INPP4B: variants seen among roughly 807,000 people sequenced by gnomAD.
The protein encoded by INPP4B is inositol polyphosphate 4-phosphatase type II.
INPP4B carries 55 observed loss-of-function variants against 122.5 expected under a neutral mutation model. The ratio of observed to expected loss-of-function variants is 0.45; its 90% CI spans 0.36 to 0.56. The LOEUF is 0.56. Among genes scored for constraint, INPP4B ranks in the 20% least tolerant of loss-of-function variants. The probability of loss-of-function intolerance (pLI) is 0.00; values close to 1 mark genes in which losing one functional copy is unlikely to be tolerated. For synonymous variants in INPP4B, 403 were observed against 388.7 expected (o/e 1.04, Z -0.43); for missense variants, 1,000 against 1,097.7 (o/e 0.91, Z 1.26).
At chr4:142,685,724 C>T (rs542004648) in intron 2 of INPP4B, among the ~76,000 whole-genome samples, 1 of 152,134 alleles carries the variant, frequency 6.6e-6, no homozygotes, top group Non-Finnish European at 1.5e-5. Context: ...CACACAACTG[C>T]ACTCCCCCCT....
intron 2 of INPP4B, among the ~76,000 whole-genome samples, chr4:142,577,814 G>T (rs777496175): frequency 6.6e-6 from 1 of 151,904 alleles, no homozygotes; most frequent in African/African-American, 2.4e-5. Context: ...GTTGGTCAGC[G>T]GATGCCCTCA....
At chr4:142,070,562 T>A (rs1578798744) in intron 25 of INPP4B, among the ~76,000 whole-genome samples, 1 of 152,170 alleles carries the variant, frequency 6.6e-6, no homozygotes, top group Non-Finnish European at 1.5e-5. Flanking sequence ...TGTTTGCAGA[T>A]GACATGATTG....
intron 2 of INPP4B, among the ~76,000 whole-genome samples, chr4:142,633,119 A>C (rs1748346411): frequency 6.6e-6 from 1 of 152,024 alleles, no homozygotes; most frequent in African/African-American, 2.4e-5. Flanking sequence ...CAGAAAAAGC[A>C]ATCTCTAAGT....
At chr4:142,239,664 A>G (rs1858329509) in intron 11 of INPP4B, among the ~76,000 whole-genome samples, 1 of 152,116 alleles carries the variant, frequency 6.6e-6, no homozygotes. Context: ...GAAGAGAAAA[A>G]ATATGTACTA....
At chr4:142,605,123 C>T (rs1005668180) in intron 2 of INPP4B, among the ~76,000 whole-genome samples, 4 of 151,828 alleles carry the variant, frequency 2.6e-5, no homozygotes, top group Non-Finnish European at 4.4e-5. Context: ...TTGGAGTCAA[C>T]CTACCAAGAC....
At chr4:142,306,379 T>A (rs917926363) in intron 8 of INPP4B, among the ~76,000 whole-genome samples, 1 of 152,132 alleles carries the variant, frequency 6.6e-6, no homozygotes, top group Admixed American at 6.6e-5. Context: ...GGAGTAAATA[T>A]GAAAATATCA....
At chr4:142,405,116 G>T in intron 6 of INPP4B, 90 bp downstream of exon 6, 1 of 694,782 alleles carries the variant, frequency 1.4e-6, no homozygotes, top group Non-Finnish European at 2.5e-6. Flanking sequence ...ATGGGGCGGG[G>T]GTGGGGGGGA....
chr4:142,428,165 AT>A (rs1332715941), intron 5 of INPP4B, among the ~76,000 whole-genome samples: 2 of 151,548 alleles, frequency 1.3e-5, no homozygotes, highest in African/African-American at 4.8e-5. Context: ...TCAGCAAAAA[AT>A]ATAAATTTAA....
At chr4:142,343,262 G>A (rs1421640329) in intron 7 of INPP4B, among the ~76,000 whole-genome samples, 3 of 152,004 alleles carry the variant, frequency 2.0e-5, no homozygotes, top group Non-Finnish European at 4.4e-5. Flanking sequence ...GGAGCAAAGA[G>A]GTCCCACTGA....
chr4:142,816,577 C>A (rs1270704742), intron 1 of INPP4B, among the ~76,000 whole-genome samples: 1 of 151,838 alleles, frequency 6.6e-6, no homozygotes, highest in East Asian at 1.9e-4. Context: ...CAAATAATAA[C>A]AATATCCCAT....
intron 23 of INPP4B, among the ~76,000 whole-genome samples, chr4:142,097,225 T>TTTTATTTTATTTTATTTTA (rs70949153): frequency 0.05 from 6,813 of 135,470 alleles, 385 homozygotes; most frequent in Middle Eastern, 0.1. Context: ...TTTTATGTTA[T>TTTTATTTTATTTTATTTTA]TTTTATTTTA....
At chr4:142,788,251 T>A (rs1197125495) in intron 1 of INPP4B, among the ~76,000 whole-genome samples, 1 of 152,162 alleles carries the variant, frequency 6.6e-6, no homozygotes, top group African/African-American at 2.4e-5. Context: ...AATTCTCAAA[T>A]AAAATTTTAG....
At chr4:142,332,018 TC>T (rs1373335874) in intron 7 of INPP4B, among the ~76,000 whole-genome samples, 1 of 152,180 alleles carries the variant, frequency 6.6e-6, no homozygotes, top group Non-Finnish European at 1.5e-5. Context: ...TGGAAAATCA[TC>T]CATTAAGGAA....
intron 15 of INPP4B, among the ~76,000 whole-genome samples, chr4:142,182,555 AAAAACAAAC>A (rs1378797644): frequency 1.4e-5 from 2 of 145,266 alleles, no homozygotes; most frequent in African/African-American, 5.0e-5. Flanking sequence ...TCAAAAAAAA[AAAAACAAAC>A]AAAAAAAAGA....
chr4:142,343,158 G>T (rs1465504703), intron 7 of INPP4B, among the ~76,000 whole-genome samples: 1 of 152,032 alleles, frequency 6.6e-6, no homozygotes, highest in African/African-American at 2.4e-5. Flanking sequence ...TCATTTATGT[G>T]CTGTCAACTC....
chr4:142,139,151 G>A (rs561531410), intron 18 of INPP4B, among the ~76,000 whole-genome samples: 3 of 152,130 alleles, frequency 2.0e-5, no homozygotes, highest in Non-Finnish European at 4.4e-5. Flanking sequence ...ACAGTGACTG[G>A]AACAGGGTAA....
At chr4:142,205,363 C>A (rs1842213412) in intron 14 of INPP4B, among the ~76,000 whole-genome samples, 1 of 152,078 alleles carries the variant, frequency 6.6e-6, no homozygotes, top group African/African-American at 2.4e-5. Flanking sequence ...TTATCCTTTT[C>A]CCTCCTTGCC....
At chr4:142,591,230 A>G (rs927562141) in intron 2 of INPP4B, among the ~76,000 whole-genome samples, 2 of 152,018 alleles carry the variant, frequency 1.3e-5, no homozygotes, top group African/African-American at 4.8e-5. Flanking sequence ...GGTTGCAGTG[A>G]GCTAAGATCG....
rs146729974 is a variant in INPP4B at position 142,375,811 on chromosome 4, A to T, written c.372+27127T>A. On this transcript the variant is annotated intron_variant, in intron 7 of 25. Transcript: ENST00000262992. ...AGCATGGTAAAGTGGAAAGAGAAAA[A>T]TCCTGGGCCTTTGATAATATCATTA... Among the ~76,000 whole-genome samples, 268 of 152,034 alleles carry T rather than the reference A, an allele frequency of 1.8e-3. 3 individuals carry two copies. Among genetic ancestry groups the T allele is most frequent in the Middle Eastern group, 3.4e-3 (1 of 294 alleles).
Sources: allele counts gnomAD v4.1 joint callset (sites outside exome capture counted in the v4.1 genomes callset), GRCh38; gene constraint gnomAD v4.1.1; transcripts MANE v1.5; gene names NCBI Gene and HGNC (gene_info 2026-07-23, HGNC 2026-07-21).